The following MYH16 variants were observed in gnomAD, a reference collection of about 807,000 sequenced individuals.
The protein encoded by MYH16 is putative uncharacterized protein MYH16.
intron 11 of MYH16, among the ~76,000 whole-genome samples, chr7:99,258,824 T>C (rs1480197945): frequency 6.7e-6 from 1 of 149,902 alleles, no homozygotes; most frequent in South Asian, 2.1e-4. Context: ...AAAAAAAAGC[T>C]TGTAAACCCC....
intron 33 of MYH16, among the ~76,000 whole-genome samples, chr7:99,295,593 A>G (rs866397131): frequency 3.3e-5 from 5 of 152,094 alleles, no homozygotes; most frequent in Non-Finnish European, 5.9e-5. Flanking sequence ...GCTGGCCGTG[A>G]GGAGCCACAT....
At chr7:99,294,138 C>T (rs780239348) in exon 33 of MYH16, 8 of 455,722 alleles carry the variant, frequency 1.8e-5, no homozygotes, top group African/African-American at 8.0e-5. Flanking sequence ...ACCTCACCAT[C>T]GACTTGGAGA....
chr7:99,256,761 G>A (rs1465849024), intron 9 of MYH16, among the ~76,000 whole-genome samples: 3 of 152,010 alleles, frequency 2.0e-5, no homozygotes, highest in Non-Finnish European at 4.4e-5. Flanking sequence ...GGCGACAGAG[G>A]GAGGACTCCA....
rs144293828 is a variant in MYH16 at position 99,303,438 on chromosome 7, G to A, written n.5263+248G>A. Among the ~76,000 whole-genome samples the A allele has an allele frequency of 5.8e-3, 883 of 152,388 alleles. 7 individuals carry two copies. Among genetic ancestry groups the A allele is most frequent in the Non-Finnish European group, 0.01 (708 of 68,040 alleles). On this transcript the variant is annotated intron_variant and non_coding_transcript_variant, in intron 39 of 41. Transcript: ENST00000439784. ...TGTGAAAGATTATAGCACAAGGCCC[G>A]GGGTCTTGCATCAAAGAAGCCATCA...
intron 27 of MYH16, among the ~76,000 whole-genome samples, chr7:99,285,959 T>A (rs1452769944): frequency 1.3e-5 from 2 of 152,024 alleles, no homozygotes; most frequent in Non-Finnish European, 2.9e-5. Context: ...GGATGGGCAC[T>A]AATGCCCGCC....
chr7:99,267,057 T>C (rs1749262796), intron 18 of MYH16: 2 of 152,536 alleles, frequency 1.3e-5, no homozygotes. Context: ...GGATTCCACC[T>C]GACCACTGAC....
intron 12 of MYH16, chr7:99,260,505 A>G (rs1162148622): frequency 1.3e-5 from 5 of 371,726 alleles, no homozygotes; most frequent in South Asian, 5.7e-5. Flanking sequence ...AGTGACTGCA[A>G]TGACTACTGT....
rs569370297 is a variant in MYH16 at position 99,284,731 on chromosome 7, A to G, written n.3226-114A>G. 2.2e-5 allele frequency: 9 copies of G among 417,686 alleles called. No individual in the cohort carries two copies. In the East Asian group the frequency reaches 4.3e-4, roughly 20 times the overall value. 25.9% of individuals were successfully genotyped at this position (417,686 alleles called of 1,614,324 possible). ...AGAAGGCCAGAAGGGGCTGGGAGGT[A>G]CGTGCTTTTCGGCAGGTTCAAGGCC... On this transcript the variant is annotated intron_variant and non_coding_transcript_variant, in intron 25 of 41. Transcript: ENST00000439784.
At chr7:99,282,471 T>A (rs1045048274) in intron 23 of MYH16, among the ~76,000 whole-genome samples, 12 of 120,662 alleles carry the variant, frequency 9.9e-5, no homozygotes, top group East Asian at 2.0e-4. Flanking sequence ...CATTTTATTT[T>A]TTTTTATTTT....
At position 99,304,567 on chromosome 7, in the gene MYH16, T is replaced by G. The variant is rs987215865; in HGVS notation, n.5264-19T>G. 1 of 152,910 alleles carries G rather than the reference T, an allele frequency of 6.5e-6. No individual in the cohort carries two copies. Among genetic ancestry groups the G allele is most frequent in the African/African-American group, 2.4e-5 (1 of 41,448 alleles). 9.5% of individuals were successfully genotyped at this position (152,910 alleles called of 1,614,324 possible). ...TAGCACCCAGCTCCAACCCCTGCTC[T>G]TCTTTTCCCCACCTGCAGGCTGCCC... is the stretch of plus-strand genomic sequence containing the variant. On this transcript the variant is annotated intron_variant and non_coding_transcript_variant, in intron 39 of 41. Coordinates refer to ENST00000439784, the Ensembl canonical transcript of MYH16.
chr7:99,259,859 A>G (rs1234662392), intron 11 of MYH16, among the ~76,000 whole-genome samples: 1 of 149,154 alleles, frequency 6.7e-6, no homozygotes, highest in East Asian at 1.9e-4. Flanking sequence ...GTATATATAT[A>G]TATATATATT....
At chr7:99,265,323 A>G (rs1167371647) in intron 16 of MYH16, 6 of 152,640 alleles carry the variant, frequency 3.9e-5, no homozygotes, top group African/African-American at 1.4e-4. Flanking sequence ...AACCTCAACA[A>G]TGGGTCATCC....
chr7:99,276,702 G>C (rs1318713585), intron 20 of MYH16, among the ~76,000 whole-genome samples: 2 of 152,372 alleles, frequency 1.3e-5, no homozygotes, highest in Admixed American at 1.3e-4. Context: ...GAGGAGGGCA[G>C]GGGCTACATT....
At chr7:99,248,634 C>T (rs541471282) in intron 3 of MYH16, among the ~76,000 whole-genome samples, 1 of 152,238 alleles carries the variant, frequency 6.6e-6, no homozygotes, top group African/African-American at 2.4e-5. Context: ...GGGCTCCAGC[C>T]TCAGCTTCCC....
At chr7:99,260,247 G>A in exon 12 of MYH16, 1 of 1,607,866 alleles carries the variant, frequency 6.2e-7, no homozygotes, top group Non-Finnish European at 8.5e-7. Flanking sequence ...TCGTGCTGGA[G>A]CAGGAGGAGT....
At chr7:99,296,278 G>A (rs1792490109) in intron 33 of MYH16, among the ~76,000 whole-genome samples, 1 of 152,050 alleles carries the variant, frequency 6.6e-6, no homozygotes, top group African/African-American at 2.4e-5. Context: ...TTATGAGACG[G>A]ATGAAATCTA....
intron 11 of MYH16, among the ~76,000 whole-genome samples, chr7:99,259,785 T>G (rs1791917554): frequency 6.8e-6 from 1 of 147,788 alleles, no homozygotes; most frequent in South Asian, 2.1e-4. Context: ...TATACACGTA[T>G]ATTGTATGTA....
exon 31 of MYH16, chr7:99,291,362 A>T (rs1584355376): frequency 6.6e-6 from 3 of 456,624 alleles, no homozygotes; most frequent in African/African-American, 4.0e-5. Flanking sequence ...GAAGAGTCCC[A>T]GAGCCGGCTC....
intron 31 of MYH16, 116 bp from the exon 13 acceptor site, chr7:99,292,196 T>A (rs771979412): frequency 2.8e-6 from 1 of 352,974 alleles, no homozygotes; most frequent in Non-Finnish European, 5.7e-6. Context: ...TGGGATCATG[T>A]TTCTTTTCCC....
Sources: allele counts gnomAD v4.1 joint callset (sites outside exome capture counted in the v4.1 genomes callset), GRCh38; gene constraint gnomAD v4.1.1; transcripts MANE v1.5; gene names NCBI Gene and HGNC (gene_info 2026-07-23, HGNC 2026-07-21).